The following PRKG1 variants were observed in gnomAD, a reference collection of about 807,000 sequenced individuals.
PRKG1 encodes the protein cGMP-dependent protein kinase 1.
A neutral mutation model predicts 88.1 loss-of-function variants in PRKG1; 35 were observed. The observed-to-expected ratio is 0.40, with a 90% confidence interval of 0.30 to 0.53. The LOEUF (loss-of-function observed/expected upper bound fraction) is 0.53, where lower values mean the gene tolerates loss of function less well. Among genes scored for constraint, PRKG1 ranks in the 20% least tolerant of loss-of-function variants. The pLI is 0.59. For synonymous variants in PRKG1, 303 were observed against 292.5 expected (o/e 1.04, Z -0.37); for missense variants, 540 against 839.8 (o/e 0.64, Z 4.41).
intron 3 of PRKG1, among the ~76,000 whole-genome samples, chr10:51,739,123 A>C (rs769516565): frequency 1.3e-5 from 2 of 152,228 alleles, no homozygotes; most frequent in Non-Finnish European, 2.9e-5. Context: ...TTATAAAGTC[A>C]GTCCTGGATC....
intron 2 of PRKG1, among the ~76,000 whole-genome samples, chr10:51,215,523 G>T (rs972003676): frequency 2.6e-5 from 4 of 152,102 alleles, no homozygotes; most frequent in Non-Finnish European, 4.4e-5. Flanking sequence ...GAAACTGAGG[G>T]GCAAGCTTGG....
intron 8 of PRKG1, among the ~76,000 whole-genome samples, chr10:52,145,551 G>A (rs546960121): frequency 5.9e-5 from 9 of 152,202 alleles, no homozygotes; most frequent in African/African-American, 2.2e-4. Flanking sequence ...GTGTTCCAGA[G>A]GTAAACCAGG....
chr10:51,037,227 T>G (rs1179878885), intron 1 of PRKG1, among the ~76,000 whole-genome samples: 2 of 151,384 alleles, frequency 1.3e-5, no homozygotes, highest in East Asian at 3.9e-4. Context: ...GCAGGAGGAT[T>G]GTTTGAGTCC....
At chr10:51,300,424 A>T (rs990453160) in intron 2 of PRKG1, among the ~76,000 whole-genome samples, 3 of 152,156 alleles carry the variant, frequency 2.0e-5, no homozygotes, top group African/African-American at 7.2e-5. Flanking sequence ...TCAGTGGGTT[A>T]CTGTATTTAA....
chr10:52,195,240 T>C (rs866028866), intron 9 of PRKG1, among the ~76,000 whole-genome samples: 3 of 151,994 alleles, frequency 2.0e-5, no homozygotes, highest in Non-Finnish European at 2.9e-5. Context: ...TTTGTTTTTT[T>C]TTTTCTCTTT....
At position 51,074,903 on chromosome 10, in the gene PRKG1, T is replaced by C; in HGVS notation, c.311+2T>C. On this transcript the variant is annotated splice_donor_variant, in intron 1 of 17. Coordinates refer to ENST00000373980, the MANE Select transcript of PRKG1 (RefSeq NM_006258.4). LOFTEE classifies it high-confidence loss of function. ...GCCCTTCTACCCCAAGAGCCCACAG[T>C]AAGCAGGGGTGACGCGCCGGGTCCA... is the stretch of plus-strand genomic sequence containing the variant. The C allele has an allele frequency of 6.3e-7, 1 of 1,595,724 alleles. No homozygotes were observed. The highest frequency in any genetic ancestry group is 8.6e-7 in the Non-Finnish European group (1 of 1,167,018).
At chr10:51,004,494 A>G (rs1350104376) in intron 1 of PRKG1, among the ~76,000 whole-genome samples, 1 of 152,132 alleles carries the variant, frequency 6.6e-6, no homozygotes, top group Non-Finnish European at 1.5e-5. Flanking sequence ...AACAAAAAAC[A>G]AAACAAAAAA....
chr10:51,541,683 A>G (rs1292053647), intron 3 of PRKG1, among the ~76,000 whole-genome samples: 1 of 152,126 alleles, frequency 6.6e-6, no homozygotes, highest in Non-Finnish European at 1.5e-5. Flanking sequence ...CATGGTTTCT[A>G]TAGTATCCAT....
chr10:51,546,733 A>G (rs543822766), intron 3 of PRKG1, among the ~76,000 whole-genome samples: 1 of 152,170 alleles, frequency 6.6e-6, no homozygotes, highest in East Asian at 1.9e-4. Context: ...TTGCACAGAA[A>G]TCTCATCCTA....
chr10:51,018,871 A>G (rs890737431), intron 1 of PRKG1, among the ~76,000 whole-genome samples: 6 of 152,210 alleles, frequency 3.9e-5, no homozygotes, highest in Non-Finnish European at 5.9e-5. Flanking sequence ...TCACATCAGA[A>G]ACTCTGATTG....
intron 8 of PRKG1, among the ~76,000 whole-genome samples, chr10:52,156,989 C>A (rs561094871): frequency 4.0e-5 from 6 of 151,684 alleles, no homozygotes; most frequent in African/African-American, 1.4e-4. Flanking sequence ...TTTGAAATAG[C>A]TTCCAATTTA....
chr10:51,310,487 G>A (rs1163286524), intron 2 of PRKG1, among the ~76,000 whole-genome samples: 1 of 152,198 alleles, frequency 6.6e-6, no homozygotes, highest in Non-Finnish European at 1.5e-5. Context: ...TACTTAGAAG[G>A]AGGAATGTGT....
At chr10:51,202,736 T>A (rs1837945707) in intron 2 of PRKG1, among the ~76,000 whole-genome samples, 1 of 152,170 alleles carries the variant, frequency 6.6e-6, no homozygotes, top group Non-Finnish European at 1.5e-5. Context: ...GATTTGAGAT[T>A]CGTTTGAGAA....
At chr10:51,927,023 A>G (rs572267744) in intron 5 of PRKG1, among the ~76,000 whole-genome samples, 106 of 152,218 alleles carry the variant, frequency 7.0e-4, no homozygotes, top group African/African-American at 2.5e-3. Context: ...TAAATGGACT[A>G]CTAGATTATA....
At chr10:51,153,580 G>T (rs903433056) in intron 2 of PRKG1, among the ~76,000 whole-genome samples, 1 of 151,968 alleles carries the variant, frequency 6.6e-6, no homozygotes, top group Non-Finnish European at 1.5e-5. Context: ...TGTGAAAAAA[G>T]AAATATAGTT....
At chr10:51,449,275 T>C (rs536522387) in intron 2 of PRKG1, among the ~76,000 whole-genome samples, 3 of 152,012 alleles carry the variant, frequency 2.0e-5, no homozygotes, top group Admixed American at 2.0e-4. Flanking sequence ...GTTCAGTTCC[T>C]TTCGTGTTTA....
At chr10:51,718,225 C>G (rs1841931775) in intron 3 of PRKG1, among the ~76,000 whole-genome samples, 1 of 152,160 alleles carries the variant, frequency 6.6e-6, no homozygotes, top group East Asian at 1.9e-4. Context: ...ATCAAGAAAG[C>G]CTTCTCTGAA....
chr10:51,727,276 AAAAAAAAAAAT>A (rs991869046), intron 3 of PRKG1, among the ~76,000 whole-genome samples: 5 of 135,312 alleles, frequency 3.7e-5, no homozygotes, highest in Non-Finnish European at 8.0e-5. Flanking sequence ...CCCCATTGCA[AAAAAAAAAAAT>A]ATATATATAT....
chr10:52,203,561 C>T lies in PRKG1; in HGVS notation c.1076+41598C>T, dbSNP rs1284236388. ...ATTTCGTCAAGGGTTGAGTTCAGGT[C>T]CCGAATATCTTTGTTAGTTTTCTGC... On this transcript the variant is annotated intron_variant, in intron 9 of 17. Coordinates refer to ENST00000373980, the MANE Select transcript of PRKG1 (RefSeq NM_006258.4). Among the ~76,000 whole-genome samples the T allele has an allele frequency of 2.0e-5, 3 of 152,204 alleles. No individual in the cohort carries two copies. In the East Asian group the frequency reaches 5.8e-4, roughly 29 times the overall value.
Sources: allele counts gnomAD v4.1 joint callset (sites outside exome capture counted in the v4.1 genomes callset), GRCh38; gene constraint gnomAD v4.1.1; transcripts MANE v1.5; gene names NCBI Gene and HGNC (gene_info 2026-07-23, HGNC 2026-07-21).